ELOVL2: variants seen among roughly 807,000 people sequenced by gnomAD.
ELOVL2 encodes very long chain fatty acid elongase 2.
ELOVL2 carries 38 observed loss-of-function variants against 37.7 expected under a neutral mutation model. That is an observed-to-expected ratio of 1.01 (90% CI 0.78 to 1.32). The LOEUF (loss-of-function observed/expected upper bound fraction) is 1.32, where lower values mean the gene tolerates loss of function less well. Among genes scored for constraint, ELOVL2 ranks in the 40% most tolerant of loss-of-function variants. The pLI, the probability that ELOVL2 is intolerant of heterozygous loss-of-function variation, is 0.00. For missense variants in ELOVL2, 352 were observed against 363.6 expected, an observed-to-expected ratio of 0.97 and a Z score of 0.26; for synonymous variants, 115 against 122.3, an observed-to-expected ratio of 0.94 and a Z score of 0.40.
At chr6:11,029,223 C>CAAAAAAAAAAAAAAAA (rs376639413) in intron 1 of ELOVL2, among the ~76,000 whole-genome samples, 2 of 75,788 alleles carry the variant, frequency 2.6e-5, no homozygotes, top group African/African-American at 1.0e-4. Context: ...AGGGAGATCT[C>CAAAAAAAAAAAAAAAA]AAAAAAAAAA....
At chr6:11,017,130 C>T (rs760021550) in intron 1 of ELOVL2, among the ~76,000 whole-genome samples, 2 of 152,148 alleles carry the variant, frequency 1.3e-5, no homozygotes, top group Non-Finnish European at 2.9e-5. Flanking sequence ...AGGATCATTT[C>T]TAACATCTTA....
chr6:10,989,086 C>CT (rs1782098175), intron 7 of ELOVL2, among the ~76,000 whole-genome samples: 1 of 152,174 alleles, frequency 6.6e-6, no homozygotes, highest in Admixed American at 6.5e-5. Context: ...AGATGTCAGA[C>CT]TTTGGTAGCA....
chr6:11,036,872 A>G (rs886695972), intron 1 of ELOVL2, among the ~76,000 whole-genome samples: 1 of 151,850 alleles, frequency 6.6e-6, no homozygotes, highest in African/African-American at 2.4e-5. Flanking sequence ...CTTTTGCCTT[A>G]TGGACATATT....
intron 3 of ELOVL2, among the ~76,000 whole-genome samples, chr6:11,002,500 G>A (rs1447524519): frequency 6.6e-6 from 1 of 152,164 alleles, no homozygotes; most frequent in East Asian, 1.9e-4. Flanking sequence ...CTCTGAAAGA[G>A]GTCACAATCA....
chr6:10,994,522 ATG>A (rs1334419802), intron 5 of ELOVL2, among the ~76,000 whole-genome samples: 10 of 152,034 alleles, frequency 6.6e-5, no homozygotes, highest in Non-Finnish European at 1.0e-4. Flanking sequence ...GTGATATAAA[ATG>A]TATTTCTTAT....
At chr6:10,996,057 C>T (rs1414594013) in intron 4 of ELOVL2, among the ~76,000 whole-genome samples, 1 of 152,138 alleles carries the variant, frequency 6.6e-6, no homozygotes, top group Non-Finnish European at 1.5e-5. Flanking sequence ...TCCTAAGGCC[C>T]TCAAGTCAGT....
In ELOVL2 at chr6:10,995,060, G is replaced by C. The variant is rs749968212; in HGVS notation, c.452C>G (p.Ala151Gly). 1.9e-6 allele frequency: 3 copies of C among 1,612,918 alleles called. No homozygotes were observed. The Admixed American group carries it at 5.0e-5, about 27-fold the overall frequency. Residue 151 changes from alanine (A) to glycine (G), a missense_variant, in exon 5 of 8, where the codon GCT becomes GGT. Coordinates refer to ENST00000354666, the MANE Select transcript of ELOVL2 (RefSeq NM_017770.4). ...QITFLHVYHHASMFNIWWCVL... is the reference protein window; with the variant it reads ...QITFLHVYHHGSMFNIWWCVL... ...ACACCACCAGATGTTAAACATAGAA[G>C]CATGATGATATACATGAAGAAAAGT...
chr6:10,985,566 G>A (rs1375235441), intron 7 of ELOVL2, among the ~76,000 whole-genome samples: 1 of 151,248 alleles, frequency 6.6e-6, no homozygotes, highest in Non-Finnish European at 1.5e-5. Flanking sequence ...TTCTACATAT[G>A]GCTAGCCAGT....
At chr6:11,004,037 T>C (rs1001499955) in intron 3 of ELOVL2, among the ~76,000 whole-genome samples, 2 of 151,386 alleles carry the variant, frequency 1.3e-5, no homozygotes, top group Non-Finnish European at 2.9e-5. Context: ...GAGCTGAGAT[T>C]GCGCCATTGC....
intron 1 of ELOVL2, among the ~76,000 whole-genome samples, chr6:11,016,659 TCA>T (rs550266885): frequency 8.9e-4 from 136 of 151,958 alleles, no homozygotes; most frequent in African/African-American, 3.0e-3. Flanking sequence ...CAGACTAGAG[TCA>T]CACAGTGAGT....
At chr6:10,998,922 A>T (rs993536103) in intron 4 of ELOVL2, among the ~76,000 whole-genome samples, 4 of 152,214 alleles carry the variant, frequency 2.6e-5, no homozygotes, top group Non-Finnish European at 5.9e-5. Flanking sequence ...ATCATTAATG[A>T]GTTTTAGTTT....
intron 1 of ELOVL2, among the ~76,000 whole-genome samples, chr6:11,020,091 G>A (rs755927833): frequency 9.2e-5 from 14 of 151,968 alleles, no homozygotes; most frequent in Non-Finnish European, 1.5e-4. Flanking sequence ...TATATTAATT[G>A]TATAATTAAA....
intron 3 of ELOVL2, among the ~76,000 whole-genome samples, chr6:11,003,361 G>A (rs190579201): frequency 1.3e-5 from 2 of 152,208 alleles, no homozygotes; most frequent in Admixed American, 6.5e-5. Flanking sequence ...GTGTCCATGT[G>A]TTCTCATTGT....
chr6:11,039,003 T>C (rs74796565), intron 1 of ELOVL2, among the ~76,000 whole-genome samples: 2,639 of 152,276 alleles, frequency 0.017, 65 homozygotes, highest in African/African-American at 0.059. Context: ...GTGTGTGACA[T>C]ATGGTAAGGC....
intron 1 of ELOVL2, among the ~76,000 whole-genome samples, chr6:11,015,031 A>G (rs1334368415): frequency 6.6e-6 from 1 of 152,258 alleles, no homozygotes; most frequent in African/African-American, 2.4e-5. Flanking sequence ...CTACTCAGCA[A>G]TATAAAGGAA....
intron 1 of ELOVL2, among the ~76,000 whole-genome samples, chr6:11,015,289 G>T (rs1173609419): frequency 2.6e-5 from 4 of 152,188 alleles, no homozygotes. Flanking sequence ...GTAACCAGCA[G>T]AACTGCACTA....
chr6:11,037,146 CAG>C (rs1205145682), intron 1 of ELOVL2, among the ~76,000 whole-genome samples: 1 of 128,822 alleles, frequency 7.8e-6, no homozygotes, highest in Non-Finnish European at 1.6e-5. Context: ...GAGAGAGAGA[CAG>C]AGAGGCAGAG....
At chr6:11,037,653 G>C (rs1783031741) in intron 1 of ELOVL2, among the ~76,000 whole-genome samples, 1 of 151,916 alleles carries the variant, frequency 6.6e-6, no homozygotes, top group Non-Finnish European at 1.5e-5. Flanking sequence ...GAGCCCTCAA[G>C]TCACTCAGGC....
intron 1 of ELOVL2, among the ~76,000 whole-genome samples, chr6:11,032,542 C>T (rs1782946891): frequency 6.6e-6 from 1 of 152,168 alleles, no homozygotes; most frequent in Non-Finnish European, 1.5e-5. Flanking sequence ...AAAATACAGT[C>T]ATCCTCTGTA....
Sources: allele counts gnomAD v4.1 joint callset (sites outside exome capture counted in the v4.1 genomes callset), GRCh38; gene constraint gnomAD v4.1.1; transcripts MANE v1.5; gene names NCBI Gene and HGNC (gene_info 2026-07-23, HGNC 2026-07-21).